RBFOX1: variants seen among roughly 807,000 people sequenced by gnomAD.
The protein encoded by RBFOX1 is RNA binding protein fox-1 homolog 1.
In RBFOX1, 8 loss-of-function variants were observed where a neutral mutation model predicts 57.7. The observed-to-expected ratio is 0.14, with a 90% confidence interval of 0.08 to 0.25. The LOEUF (loss-of-function observed/expected upper bound fraction) is 0.25. RBFOX1 is among the 10% of genes least tolerant of loss of function. RBFOX1 has a pLI of 1.00. For missense variants in RBFOX1, 611 were observed against 548.5 expected (o/e 1.11, Z -1.14); for synonymous variants, 326 against 222.4 (o/e 1.47, Z -4.15).
At chr16:7,116,780 G>C (rs13339197) in intron 4 of RBFOX1, among the ~76,000 whole-genome samples, 3,034 of 152,236 alleles carry the variant, frequency 0.02, 107 homozygotes, top group African/African-American at 0.069. Context: ...CCACCTCCTT[G>C]ATGCCAGGCA....
At chr16:6,734,271 G>A (rs9646288) in intron 3 of RBFOX1, among the ~76,000 whole-genome samples, 140,325 of 152,166 alleles carry the variant, frequency 0.92, 65,825 homozygotes, top group East Asian at 1. Context: ...TTGTTAAGCA[G>A]TGTGCATGCG....
chr16:7,395,288 A>T (rs2098122463), intron 4 of RBFOX1, among the ~76,000 whole-genome samples: 1 of 152,192 alleles, frequency 6.6e-6, no homozygotes, highest in Non-Finnish European at 1.5e-5. Context: ...CACACCTGTC[A>T]TCAGATAGAA....
intron 4 of RBFOX1, among the ~76,000 whole-genome samples, chr16:7,423,407 G>A (rs2098565199): frequency 6.6e-6 from 1 of 152,030 alleles, no homozygotes; most frequent in South Asian, 2.1e-4. Flanking sequence ...ATTGCAAGCT[G>A]TCATACTAAA....
chr16:6,548,225 A>G (rs532259697), intron 2 of RBFOX1, among the ~76,000 whole-genome samples: 1 of 152,310 alleles, frequency 6.6e-6, no homozygotes, highest in East Asian at 1.9e-4. Context: ...TCAGTCTTGT[A>G]AACTTTTGTT....
At chr16:6,631,986 A>T (rs1330638173) in intron 2 of RBFOX1, among the ~76,000 whole-genome samples, 1 of 152,172 alleles carries the variant, frequency 6.6e-6, no homozygotes, top group Non-Finnish European at 1.5e-5. Flanking sequence ...CAATGGAAGG[A>T]GAGGCCATTA....
chr16:5,874,592 G>GTTATGCC (rs2057558758), intron 4 of RBFOX1, among the ~76,000 whole-genome samples: 1 of 152,130 alleles, frequency 6.6e-6, no homozygotes, highest in South Asian at 2.1e-4. Flanking sequence ...ATTGAAACAG[G>GTTATGCC]TTATGCCTGG....
rs552196529 is a variant in RBFOX1, at chr16:7,440,671, G to A, written c.28-77476G>A. ...ACAGGTTTTGCTCCAAGACTCAGGT[G>A]AATGAGTAACACAGTACTGATAAAG... On this transcript the variant is annotated intron_variant, in intron 4 of 15. Transcript: ENST00000550418. Among the ~76,000 whole-genome samples the A allele has an allele frequency of 2.6e-5, 4 of 152,272 alleles. No homozygotes were observed. In the South Asian group the frequency reaches 8.3e-4, roughly 32 times the overall value.
chr16:6,276,551 C>T (rs952690354), intron 1 of RBFOX1, among the ~76,000 whole-genome samples: 1 of 152,062 alleles, frequency 6.6e-6, no homozygotes, highest in Non-Finnish European at 1.5e-5. Context: ...CCGTGTTGGC[C>T]AGGTTGGTCT....
chr16:7,135,270 G>A (rs2071602199), intron 4 of RBFOX1, among the ~76,000 whole-genome samples: 2 of 152,172 alleles, frequency 1.3e-5, no homozygotes, highest in Non-Finnish European at 2.9e-5. Context: ...AAGCAACTAA[G>A]TAACTCTGCA....
intron 7 of RBFOX1, among the ~76,000 whole-genome samples, chr16:7,590,691 C>T (rs982700114): frequency 6.6e-6 from 1 of 151,796 alleles, no homozygotes; most frequent in Non-Finnish European, 1.5e-5. Flanking sequence ...GAAACCTTGT[C>T]TTGACTAAAA....
At position 7,712,825 on chromosome 16, in the gene RBFOX1, C is replaced by T. The variant is rs771122147; in HGVS notation, c.*2080C>T. ...TGGAGAATAAATTTCTCCCAATTGC[C>T]GCCTCAGATTTCAAAATCCAGAATT... On this transcript the variant is annotated 3_prime_UTR_variant, in exon 16 of 16. Coordinates refer to ENST00000550418, the MANE Select transcript of RBFOX1 (RefSeq NM_018723.4). 2.0e-5 allele frequency: 3 copies of T among 152,070 alleles called. No individual in the cohort carries two copies. The highest frequency in any genetic ancestry group is 4.4e-5 in the Non-Finnish European group (3 of 67,982). 9.4% of individuals were successfully genotyped at this position (152,070 alleles called of 1,614,324 possible).
intron 3 of RBFOX1, among the ~76,000 whole-genome samples, chr16:6,818,880 G>T (rs1419038307): frequency 6.6e-6 from 1 of 152,180 alleles, no homozygotes; most frequent in Non-Finnish European, 1.5e-5. Flanking sequence ...AATTTACATG[G>T]AATTCTTTGG....
At chr16:7,041,442 T>C (rs1213497612) in intron 3 of RBFOX1, among the ~76,000 whole-genome samples, 2 of 152,158 alleles carry the variant, frequency 1.3e-5, no homozygotes, top group Non-Finnish European at 2.9e-5. Context: ...CTTTTAACCA[T>C]TTCATTACTT....
chr16:7,036,453 G>T (rs1256256284), intron 3 of RBFOX1, among the ~76,000 whole-genome samples: 4 of 152,022 alleles, frequency 2.6e-5, no homozygotes, highest in Non-Finnish European at 5.9e-5. Context: ...GCTCACGCTT[G>T]TAATCTCAAT....
intron 3 of RBFOX1, among the ~76,000 whole-genome samples, chr16:5,765,239 C>A (rs146105404): frequency 6.6e-6 from 1 of 152,104 alleles, no homozygotes; most frequent in African/African-American, 2.4e-5. Flanking sequence ...GATCCCAAAC[C>A]CAACAAGAAC....
At chr16:6,380,113 C>T (rs907197193) in intron 2 of RBFOX1, among the ~76,000 whole-genome samples, 6 of 152,024 alleles carry the variant, frequency 3.9e-5, no homozygotes, top group African/African-American at 1.4e-4. Flanking sequence ...AGGTAGGAGG[C>T]ATCTGAGAGG....
chr16:6,229,942 GGAAAA>G (rs2097446274), intron 1 of RBFOX1, among the ~76,000 whole-genome samples: 2 of 151,666 alleles, frequency 1.3e-5, no homozygotes, highest in Non-Finnish European at 2.9e-5. Context: ...TTATTTTAAA[GGAAAA>G]GAAAAGGTAT....
intron 2 of RBFOX1, among the ~76,000 whole-genome samples, chr16:6,617,065 C>T (rs1481289838): frequency 1.3e-5 from 2 of 151,794 alleles, no homozygotes; most frequent in Non-Finnish European, 2.9e-5. Context: ...GATCTTTGAG[C>T]AGGGTACTTA....
At chr16:7,525,183 C>G (rs545737323) in intron 5 of RBFOX1, among the ~76,000 whole-genome samples, 1 of 152,290 alleles carries the variant, frequency 6.6e-6, no homozygotes, top group East Asian at 1.9e-4. Context: ...TAAGTACTCA[C>G]TATTTCCATT....
Sources: gnomAD v4.1 joint callset for allele counts (sites outside exome capture counted in the v4.1 genomes callset) on GRCh38, gnomAD v4.1.1 for gene constraint, MANE v1.5 for transcripts, NCBI Gene and HGNC (gene_info 2026-07-23, HGNC 2026-07-21) for gene names.